The following AGBL4 variants were observed in gnomAD, a reference collection of about 807,000 sequenced individuals.
The protein encoded by AGBL4 is cytosolic carboxypeptidase 6.
A neutral mutation model predicts 66.4 loss-of-function variants in AGBL4; 58 were observed. The ratio of observed to expected loss-of-function variants is 0.87; its 90% CI spans 0.71 to 1.09. The LOEUF (loss-of-function observed/expected upper bound fraction) is 1.09, where lower values mean the gene tolerates loss of function less well. Ranked by LOEUF, AGBL4 falls within the 50% of genes least tolerant of loss-of-function variation. The pLI is 0.00. For missense variants in AGBL4, 579 were observed against 631.0 expected (o/e 0.92, Z 0.88); for synonymous variants, 234 against 222.9 (o/e 1.05, Z -0.44).
chr1:48,727,977 T>C, intron 6 of AGBL4: 1 of 1,612,428 alleles, frequency 6.2e-7, no homozygotes, highest in Non-Finnish European at 8.5e-7. Context: ...CTTGTTGACT[T>C]TGGAGAGTCT....
chr1:48,993,503 C>T (rs1660768777), intron 5 of AGBL4, among the ~76,000 whole-genome samples: 1 of 152,142 alleles, frequency 6.6e-6, no homozygotes, highest in Non-Finnish European at 1.5e-5. Flanking sequence ...CAAGCACTCC[C>T]CTGGCTGTCC....
At chr1:49,613,831 C>T (rs12402329) in intron 3 of AGBL4, among the ~76,000 whole-genome samples, 78,546 of 151,970 alleles carry the variant, frequency 0.52, 21,599 homozygotes, top group Non-Finnish European at 0.62. Flanking sequence ...AAACCATCCC[C>T]CCATCCCAGT....
chr1:49,518,552 C>A (rs938632202), intron 3 of AGBL4, among the ~76,000 whole-genome samples: 1 of 152,014 alleles, frequency 6.6e-6, no homozygotes, highest in African/African-American at 2.4e-5. Context: ...ACTTGACTTT[C>A]GTACACCCTT....
Position 49,528,255 on chromosome 1 carries a change from G to A in AGBL4, c.282+169058C>T, listed in dbSNP as rs189820466. Among the ~76,000 whole-genome samples, 61 of 152,160 alleles carry A rather than the reference G, an allele frequency of 4.0e-4. No individual in the cohort carries two copies. The East Asian group carries it at 0.012, about 29-fold the overall frequency. ...TAAAGGCTGAGATAAGGAACAAAGA[G>A]TGTCCAATAAGTACTCATGGTACTT... On this transcript the variant is annotated intron_variant, in intron 3 of 13. Coordinates refer to ENST00000371839, the MANE Select transcript of AGBL4 (RefSeq NM_032785.4).
intron 6 of AGBL4, among the ~76,000 whole-genome samples, chr1:48,730,233 G>A (rs982615737): frequency 6.6e-6 from 1 of 152,092 alleles, no homozygotes; most frequent in Non-Finnish European, 1.5e-5. Flanking sequence ...TCTACCCCAG[G>A]CCAGGAGAAA....
At chr1:48,631,267 G>A (rs1204330890) in intron 9 of AGBL4, among the ~76,000 whole-genome samples, 1 of 152,202 alleles carries the variant, frequency 6.6e-6, no homozygotes, top group Non-Finnish European at 1.5e-5. Context: ...GATGCCTCAG[G>A]GAACTGCAGT....
At chr1:49,507,022 A>C (rs1220409208) in intron 3 of AGBL4, among the ~76,000 whole-genome samples, 1 of 151,968 alleles carries the variant, frequency 6.6e-6, no homozygotes, top group Admixed American at 6.6e-5. Context: ...ATGCAACAGA[A>C]ATGATGCTGA....
chr1:49,504,330 G>C (rs1648481516), intron 3 of AGBL4, among the ~76,000 whole-genome samples: 1 of 152,052 alleles, frequency 6.6e-6, no homozygotes, highest in Non-Finnish European at 1.5e-5. Flanking sequence ...CAGTCTCAGA[G>C]GTATTTCTCC....
At chr1:49,838,187 A>G (rs1448929733) in intron 2 of AGBL4, among the ~76,000 whole-genome samples, 1 of 152,350 alleles carries the variant, frequency 6.6e-6, no homozygotes, top group East Asian at 1.9e-4. Context: ...ACTCATAGAC[A>G]AAAGGGCAAA....
At chr1:49,343,719 A>C (rs922800630) in intron 3 of AGBL4, among the ~76,000 whole-genome samples, 8 of 152,130 alleles carry the variant, frequency 5.3e-5, no homozygotes, top group African/African-American at 1.9e-4. Flanking sequence ...ACTGGACCAA[A>C]TCTACTTCTG....
At chr1:49,076,410 A>T (rs1303477111) in intron 4 of AGBL4, among the ~76,000 whole-genome samples, 1 of 152,214 alleles carries the variant, frequency 6.6e-6, no homozygotes, top group Non-Finnish European at 1.5e-5. Flanking sequence ...TGTTGAATCC[A>T]TGGATGCAGA....
intron 4 of AGBL4, among the ~76,000 whole-genome samples, chr1:49,117,288 C>A (rs917950970): frequency 6.6e-6 from 1 of 152,090 alleles, no homozygotes; most frequent in South Asian, 2.1e-4. Flanking sequence ...TCATGAAGAC[C>A]TTGCCCATGC....
intron 4 of AGBL4, among the ~76,000 whole-genome samples, chr1:49,215,830 C>T (rs909989892): frequency 3.3e-5 from 5 of 151,984 alleles, no homozygotes; most frequent in Non-Finnish European, 7.4e-5. Flanking sequence ...TCCCTCTTTC[C>T]CCCAATTTTT....
intron 1 of AGBL4, among the ~76,000 whole-genome samples, chr1:49,863,126 A>G (rs1646615213): frequency 6.6e-6 from 1 of 152,234 alleles, no homozygotes; most frequent in South Asian, 2.1e-4. Flanking sequence ...TAGAGCACAC[A>G]GAAACAAACA....
chr1:49,492,741 T>C (rs1647222284), intron 3 of AGBL4, among the ~76,000 whole-genome samples: 1 of 151,910 alleles, frequency 6.6e-6, no homozygotes, highest in Admixed American at 6.6e-5. Flanking sequence ...TCCCGGCCAA[T>C]TAGTTATGAA....
intron 3 of AGBL4, among the ~76,000 whole-genome samples, chr1:49,284,133 C>A (rs542976221): frequency 1.3e-5 from 2 of 152,208 alleles, no homozygotes; most frequent in East Asian, 3.9e-4. Flanking sequence ...GGTCGGGTTA[C>A]CCTCAAAGGG....
chr1:49,681,629 T>A (rs1014379040), intron 3 of AGBL4, among the ~76,000 whole-genome samples: 1 of 152,220 alleles, frequency 6.6e-6, no homozygotes, highest in African/African-American at 2.4e-5. Context: ...AGGGTTTTAG[T>A]TGCATTTACT....
chr1:49,294,167 GT>G (rs1644596815), intron 3 of AGBL4, among the ~76,000 whole-genome samples: 2 of 152,142 alleles, frequency 1.3e-5, no homozygotes, highest in African/African-American at 4.8e-5. Context: ...AAGGGTCTGA[GT>G]TTTTGTTCCT....
chr1:48,760,527 C>T (rs536600684), intron 6 of AGBL4, among the ~76,000 whole-genome samples: 6 of 151,718 alleles, frequency 4.0e-5, no homozygotes, highest in African/African-American at 1.5e-4. Flanking sequence ...CTAAAGTGAT[C>T]GTTACAATAT....
Sources: gnomAD v4.1 joint callset for allele counts (sites outside exome capture counted in the v4.1 genomes callset) on GRCh38, gnomAD v4.1.1 for gene constraint, MANE v1.5 for transcripts, NCBI Gene and HGNC (gene_info 2026-07-23, HGNC 2026-07-21) for gene names.